The following MTMR1 variants were observed in gnomAD, a reference collection of about 807,000 sequenced individuals.
MTMR1 encodes myotubularin related protein 1.
MTMR1 carries 17 observed loss-of-function variants against 51.6 expected under a neutral mutation model. That is an observed-to-expected ratio of 0.33 (90% CI 0.23 to 0.49). The LOEUF is 0.49. Ranked by LOEUF, MTMR1 falls within the 20% of genes least tolerant of loss-of-function variation. The pLI is 0.99. For synonymous variants in MTMR1, 201 were observed against 205.6 expected (o/e 0.98, Z 0.19); for missense variants, 386 against 526.9 (o/e 0.73, Z 2.62).
intron 2 of MTMR1, among the ~76,000 whole-genome samples, chrX:150,706,933 A>G (rs1557416082): frequency 6.3e-5 from 7 of 111,356 alleles, no homozygotes; most frequent in Non-Finnish European, 1.9e-5. Flanking sequence ...CCTAGAAGTC[A>G]TCCCACAGAA....
At chrX:150,753,985 G>C (rs1557417669) in intron 14 of MTMR1, among the ~76,000 whole-genome samples, 1 of 112,494 alleles carries the variant, frequency 8.9e-6, no homozygotes, top group Non-Finnish European at 1.9e-5. Context: ...TCTGTTCTGA[G>C]GTAACGTTTG....
Position 150,736,762 on chromosome X carries a change from T to C in MTMR1, c.1248T>C (p.His416=), listed in dbSNP as rs1557417179. 1 of 1,206,332 alleles carries C rather than the reference T, an allele frequency of 8.3e-7. No individual in the cohort carries two copies. Among genetic ancestry groups the C allele is most frequent in the Non-Finnish European group, 1.1e-6 (1 of 892,450 alleles). The part of the protein sequence containing the change: ...ARWLSNVDGT[H]WLEYIRMLLA... ...GGCTCTCCAATGTGGATGGGACGCA[T>C]TGGCTGGAATATATAAGGGTAAAGA... is the stretch of plus-strand genomic sequence containing the variant. Residue 416 remains histidine, a synonymous_variant, in exon 11 of 16, where the codon CAT becomes CAC. Coordinates refer to ENST00000445323, the MANE Select transcript of MTMR1 (RefSeq NM_001306144.3).
At chrX:150,734,301 T>G (rs2042201862) in intron 10 of MTMR1, among the ~76,000 whole-genome samples, 1 of 113,090 alleles carries the variant, frequency 8.8e-6, no homozygotes, top group Admixed American at 9.3e-5. Context: ...CTTGGAATCC[T>G]TAAACACATC....
At chrX:150,742,677 C>T (rs931699276) in intron 12 of MTMR1, among the ~76,000 whole-genome samples, 3 of 108,966 alleles carry the variant, frequency 2.8e-5, no homozygotes, top group Admixed American at 9.8e-5. Context: ...ATTAGCCAGG[C>T]GTGGTGGCGG....
Position 150,763,552 on chromosome X carries a change from G to C in MTMR1, c.*823G>C, listed in dbSNP as rs1171748430. On this transcript the variant is annotated 3_prime_UTR_variant, in exon 16 of 16. Coordinates refer to ENST00000445323, the MANE Select transcript of MTMR1 (RefSeq NM_001306144.3). Reference sequence around the variant, plus strand: ...TGCTGGCCTCTGGCTCCTTCAAGGAGCACTGCCTGTCACTCGCTCCTGGGC... The same window carrying C: ...TGCTGGCCTCTGGCTCCTTCAAGGACCACTGCCTGTCACTCGCTCCTGGGC... 2 of 113,069 alleles carry C rather than the reference G, an allele frequency of 1.8e-5. No homozygotes were observed. The highest frequency in any genetic ancestry group is 3.7e-5 in the Non-Finnish European group (2 of 53,400). The allele number at this position is 113,069 out of a possible 1,213,427, so 9.3% of individuals were successfully genotyped here. A position where few individuals can be genotyped will look rare whatever the true frequency, so the allele number is the denominator to read the frequency against.
At chrX:150,723,771 T>C (rs782544964) in intron 4 of MTMR1, among the ~76,000 whole-genome samples, 9 of 111,697 alleles carry the variant, frequency 8.1e-5, no homozygotes, top group Non-Finnish European at 1.7e-4. Context: ...GTTGTTCCCT[T>C]CTTTGCGTCT....
chrX:150,741,155 C>T (rs1334526921), intron 12 of MTMR1, among the ~76,000 whole-genome samples: 2 of 112,056 alleles, frequency 1.8e-5, no homozygotes, highest in Non-Finnish European at 3.8e-5. Context: ...GCTGCCACTC[C>T]ACAGTGTGAG....
At chrX:150,758,206 C>T (rs1019285979) in intron 15 of MTMR1, among the ~76,000 whole-genome samples, 1 of 111,418 alleles carries the variant, frequency 9.0e-6, no homozygotes, top group Admixed American at 9.5e-5. Flanking sequence ...CTACAGAGGA[C>T]TCACACCTGC....
Position 150,737,329 on chromosome X carries a change from C to T in MTMR1, c.1354C>T (p.Arg452Ter). 1.7e-6 allele frequency: 2 copies of T among 1,211,042 alleles called. No individual in the cohort carries two copies. The highest frequency in any genetic ancestry group is 2.2e-6 in the Non-Finnish European group (2 of 895,044). ...VVVHCSDGWD[R>*]TAQLTSLAML... ...GGTGCATTGCAGCGACGGTTGGGAC[C>T]GAACAGCCCAGCTCACATCTCTGGC... The change falls in exon 12 of 16, where the codon CGA becomes TGA. Residue 452 changes from arginine to a stop codon, truncating the protein, a stop_gained. Transcript: ENST00000445323. LOFTEE classifies it high-confidence loss of function.
chrX:150,699,428 A>G, intron 2 of MTMR1, 128 bp downstream of exon 2: 1 of 406,699 alleles, frequency 2.5e-6, no homozygotes. Flanking sequence ...TAAGGATGAA[A>G]GGTTCTCTGT....
chrX:150,718,805 T>A, intron 4 of MTMR1, 105 bp downstream of exon 4: 1 of 739,509 alleles, frequency 1.4e-6, no homozygotes, highest in Non-Finnish European at 2.0e-6. Flanking sequence ...CAGACCAACT[T>A]AATTAGGGGA....
At chrX:150,737,751 T>C (rs1422008400) in intron 12 of MTMR1, among the ~76,000 whole-genome samples, 1 of 112,058 alleles carries the variant, frequency 8.9e-6, no homozygotes, top group African/African-American at 3.2e-5. Context: ...CACAGTATTA[T>C]GTAACCATCA....
Position 150,693,540 on chromosome X carries a change from C to CCGGCGGCGG in MTMR1, c.23_31dup (p.Ala8_Ala10dup). 3 of 758,786 alleles carry CCGGCGGCGG rather than the reference C, an allele frequency of 4.0e-6. No homozygotes were observed. Among genetic ancestry groups the CCGGCGGCGG allele is most frequent in the Non-Finnish European group, 4.7e-6 (3 of 642,932 alleles). 62.5% of individuals were successfully genotyped at this position (758,786 alleles called of 1,213,427 possible). On this transcript the variant is annotated inframe_insertion, in exon 1 of 16. Transcript: ENST00000445323. ...CAGGACTCGGCGCGCCATGGACAGG[C>CCGGCGGCGG]CGGCGGCGGCGGCGGCGGCGGGCTG...
intron 15 of MTMR1, among the ~76,000 whole-genome samples, chrX:150,759,594 C>T (rs782330154): frequency 1.8e-5 from 2 of 109,309 alleles, no homozygotes; most frequent in East Asian, 2.8e-4. Context: ...GAGTGGTGTC[C>T]CACAGGGGTG....
intron 4 of MTMR1, among the ~76,000 whole-genome samples, chrX:150,723,235 T>C (rs2041812487): frequency 8.9e-6 from 1 of 111,964 alleles, no homozygotes; most frequent in African/African-American, 3.3e-5. Context: ...TGCCACATTT[T>C]CTTGATCCAG....
At chrX:150,729,690 A>G (rs1258095733) in intron 6 of MTMR1, among the ~76,000 whole-genome samples, 15 of 112,395 alleles carry the variant, frequency 1.3e-4, no homozygotes, top group Non-Finnish European at 1.3e-4. Context: ...CAGATAGCCT[A>G]TGCACATGAG....
intron 14 of MTMR1, among the ~76,000 whole-genome samples, chrX:150,753,404 A>G (rs1480190725): frequency 8.9e-6 from 1 of 112,350 alleles, no homozygotes; most frequent in Non-Finnish European, 1.9e-5. Context: ...GAACTGCCAG[A>G]TTGTTTTCCA....
At chrX:150,750,368 G>A (rs975115659) in intron 13 of MTMR1, among the ~76,000 whole-genome samples, 2 of 112,136 alleles carry the variant, frequency 1.8e-5, no homozygotes, top group Non-Finnish European at 3.8e-5. Context: ...CAGGGTCACA[G>A]TCCAGTACTG....
chrX:150,713,203 A>T (rs908792686), intron 3 of MTMR1, among the ~76,000 whole-genome samples: 1 of 111,948 alleles, frequency 8.9e-6, no homozygotes, highest in African/African-American at 3.2e-5. Flanking sequence ...TCTTTCATTG[A>T]TTCACACTGT....
Sources: gnomAD v4.1 joint callset for allele counts (sites outside exome capture counted in the v4.1 genomes callset) on GRCh38, gnomAD v4.1.1 for gene constraint, MANE v1.5 for transcripts, NCBI Gene and HGNC (gene_info 2026-07-23, HGNC 2026-07-21) for gene names.